Variants in TLN1 observed in about 807,000 individuals in gnomAD.
The protein encoded by TLN1 is talin 1, also known as talin-1.
A neutral mutation model predicts 292.3 loss-of-function variants in TLN1; 56 were observed. The ratio of observed to expected loss-of-function variants is 0.19; its 90% CI spans 0.15 to 0.24. The LOEUF (loss-of-function observed/expected upper bound fraction) is 0.24. TLN1 is among the 10% of genes least tolerant of loss of function. The pLI, the probability that TLN1 is intolerant of heterozygous loss-of-function variation, is 1.00. For missense variants in TLN1, 2,433 were observed against 3,248.2 expected (o/e 0.75, Z 6.10); for synonymous variants, 1,119 against 1,253.7 (o/e 0.89, Z 2.27).
In TLN1 at chr9:35,707,696, G is replaced by C; in HGVS notation, c.4632+35C>G. 6.2e-7 allele frequency: 1 copy of C among 1,613,862 alleles called. No homozygotes were observed. The highest frequency in any genetic ancestry group is 8.5e-7 in the Non-Finnish European group (1 of 1,179,836). ...GGACTCGGGGGAGAAGATAGGACAG[G>C]TCAGGGAGAGGCTGGGAATTCAAGC... On this transcript the variant is annotated intron_variant, in intron 35 of 56. Transcript: ENST00000314888. The surrounding 1 kb of genome is among the most constrained non-coding windows in gnomAD (Gnocchi z 5.6).
In TLN1 at chr9:35,706,059, T is replaced by A; in HGVS notation, c.5414A>T (p.Glu1805Val). 6.2e-7 allele frequency: 1 copy of A among 1,614,190 alleles called. No homozygotes were observed. The change falls in exon 41 of 57, where the codon GAG becomes GTG. Residue 1805 changes from glutamate (E) to valine (V), a missense_variant. By Grantham distance (121) the Glu-to-Val change is moderately radical. Transcript: ENST00000314888. This position sits in a 1 kb window ranked among gnomAD's most constrained non-coding sequence, Gnocchi z 4.2. ...ALEEAVQMMTEAVEDLTTTLN... is the reference protein window; with the variant it reads ...ALEEAVQMMTVAVEDLTTTLN... ...GGTTGTTGTCAGGTCCTCTACGGCC[T>A]CGGTCATCATCTGCACAGCCTCCTC... is the stretch of plus-strand genomic sequence containing the variant.
intron 1 of TLN1, among the ~76,000 whole-genome samples, chr9:35,726,529 C>T (rs1403303092): frequency 6.6e-6 from 1 of 152,204 alleles, no homozygotes; most frequent in Non-Finnish European, 1.5e-5. Flanking sequence ...GCTTTAGCTG[C>T]CTTCTCTGCA....
intron 8 of TLN1, among the ~76,000 whole-genome samples, 190 bp downstream of exon 8, chr9:35,722,671 A>G (rs1041492423): frequency 3.9e-5 from 6 of 152,246 alleles, no homozygotes; most frequent in African/African-American, 1.4e-4. Flanking sequence ...TGCACAGCAA[A>G]AGCAGGGATG....
Position 35,713,162 on chromosome 9 carries a change from A to G in TLN1, c.3352+34T>C, listed in dbSNP as rs763473838. Reference sequence around the variant, plus strand: ...GCTCCCATTTTCCTACCTCCCTCACAATATGCCCCATGCCTGGCTCTCTGC... The same window carrying G: ...GCTCCCATTTTCCTACCTCCCTCACGATATGCCCCATGCCTGGCTCTCTGC... On this transcript the variant is annotated intron_variant, in intron 26 of 56. Coordinates refer to ENST00000314888, the MANE Select transcript of TLN1 (RefSeq NM_006289.4). 19 of 1,583,620 alleles carry G rather than the reference A, an allele frequency of 1.2e-5. No homozygotes were observed. The South Asian group carries it at 2.0e-4, about 17-fold the overall frequency.
chr9:35,702,110 G>A (rs988959700), intron 48 of TLN1, among the ~76,000 whole-genome samples: 1 of 152,198 alleles, frequency 6.6e-6, no homozygotes, highest in Non-Finnish European at 1.5e-5. Context: ...AGGGAACCAG[G>A]GAGGAGGAAT....
Position 35,719,830 on chromosome 9 carries a change from A to G in TLN1, c.1488T>C (p.Thr496=), listed in dbSNP as rs2053380701. 2 of 1,592,650 alleles carry G rather than the reference A, an allele frequency of 1.3e-6. No individual in the cohort carries two copies. Among genetic ancestry groups the G allele is most frequent in the Non-Finnish European group, 1.7e-6 (2 of 1,169,250 alleles). The change falls in exon 14 of 57, where the codon ACT becomes ACC. Residue 496 remains threonine (T), a synonymous_variant. Coordinates refer to ENST00000314888, the MANE Select transcript of TLN1 (RefSeq NM_006289.4). This position sits in a 1 kb window ranked among gnomAD's most constrained non-coding sequence, Gnocchi z 4.6. ...CCTGCATGCTGGAGTTAATGGTTCC[A>G]GTGAGTGCCTGCTGGGCTGAAGTCT... ...PPLTSAQQAL[T]GTINSSMQAV...
Position 35,700,230 on chromosome 9 carries a change from C to T in TLN1, c.6621G>A (p.Leu2207=), listed in dbSNP as rs188918349. ...GCATATCTGCAATAGCACGGCGGCTCAGATTGGCTGTGGCAATGACATCTT... is the reference window on the plus strand; with the variant it reads ...GCATATCTGCAATAGCACGGCGGCTTAGATTGGCTGTGGCAATGACATCTT... ...RQEDVIATAN[L]SRRAIADMLR... Residue 2207 remains leucine, a synonymous_variant, in exon 49 of 57, where the codon CTG becomes CTA. Transcript: ENST00000314888. The T allele has an allele frequency of 1.1e-5, 17 of 1,611,394 alleles. No individual in the cohort carries two copies. The South Asian group carries it at 1.5e-4, about 15-fold the overall frequency.
Position 35,720,507 on chromosome 9 carries a change from T to C in TLN1, c.1209A>G (p.Lys403=), listed in dbSNP as rs753218578. ...CCAGCCCAAAGTGATCCTTGCTTTTTTTCTGTAGGAAGGAAAAAGGAACAA... is the reference window on the plus strand; with the variant it reads ...CCAGCCCAAAGTGATCCTTGCTTTTCTTCTGTAGGAAGGAAAAAGGAACAA... ...AGYIDIILKK[K]KSKDHFGLEG... The change falls in exon 12 of 57, where the codon AAA becomes AAG. Residue 403 remains lysine, a splice_region_variant and synonymous_variant. Transcript: ENST00000314888. 6.2e-7 allele frequency: 1 copy of C among 1,614,068 alleles called. No individual in the cohort carries two copies. Among genetic ancestry groups the C allele is most frequent in the East Asian group, 2.2e-5 (1 of 44,884 alleles).
chr9:35,716,860 AG>A, intron 19 of TLN1, among the ~76,000 whole-genome samples: 1 of 152,204 alleles, frequency 6.6e-6, no homozygotes, highest in East Asian at 1.9e-4. Context: ...GGGGTATAGT[AG>A]GGAAGGCTAT....
chr9:35,725,331 A>G lies in TLN1; in HGVS notation c.131-10T>C. ...AGCCCAAAGTCGCTGGCTAAAAGAG[A>G]GGATGGATCACTTTAGGCTTATGAA... On this transcript the variant is annotated splice_polypyrimidine_tract_variant and intron_variant, in intron 2 of 56. Transcript: ENST00000314888. 6.2e-7 allele frequency: 1 copy of G among 1,613,766 alleles called. No homozygotes were observed. The highest frequency in any genetic ancestry group is 8.5e-7 in the Non-Finnish European group (1 of 1,179,722).
In TLN1 at chr9:35,698,062, C is replaced by G. The variant is rs748999092; in HGVS notation, c.7482G>C (p.Met2494Ile). ...ENETVVVKEK[M>I]VGGIAQIIAA... ...AGCTCACCTGGGCAATGCCGCCAAC[C>G]ATCTTCTCTTTCACCACCACTGTCT... Residue 2494 changes from methionine to isoleucine, a missense_variant, in exon 56 of 57, where the codon ATG (methionine) becomes ATC (isoleucine). Coordinates refer to ENST00000314888, the MANE Select transcript of TLN1 (RefSeq NM_006289.4). The surrounding 1 kb of genome is among the most constrained non-coding windows in gnomAD (Gnocchi z 5.3). 1 of 1,614,176 alleles carries G rather than the reference C, an allele frequency of 6.2e-7. No individual in the cohort carries two copies. The highest frequency in any genetic ancestry group is 1.1e-5 in the South Asian group (1 of 91,084).
Position 35,714,546 on chromosome 9 carries a change from T to C in TLN1, c.2985+28A>G, listed in dbSNP as rs778407467. The C allele has an allele frequency of 3.7e-6, 6 of 1,602,986 alleles. No homozygotes were observed. Among genetic ancestry groups the C allele is most frequent in the Non-Finnish European group, 4.2e-6 (5 of 1,178,932 alleles). ...AGCTTAGAAAGGTGGGAAGGTCAGGTCAGAGAAGTGCAGAGGGGGTGCCTT... is the reference window on the plus strand; with the variant it reads ...AGCTTAGAAAGGTGGGAAGGTCAGGCCAGAGAAGTGCAGAGGGGGTGCCTT... On this transcript the variant is annotated intron_variant, in intron 23 of 56. Transcript: ENST00000314888. The surrounding 1 kb of genome is among the most constrained non-coding windows in gnomAD (Gnocchi z 4.6).
At chr9:35,722,086 CAAG>C (rs1563946446) in intron 9 of TLN1, 30 bp downstream of exon 9, 1 of 1,581,730 alleles carries the variant, frequency 6.3e-7, no homozygotes, top group South Asian at 1.1e-5. Context: ...GAGTGGGAAA[CAAG>C]GAGGGCAGTG....
chr9:35,711,990 C>G lies in TLN1; in HGVS notation c.3681+15G>C. On this transcript the variant is annotated intron_variant, in intron 28 of 56. Coordinates refer to ENST00000314888, the MANE Select transcript of TLN1 (RefSeq NM_006289.4). Reference sequence around the variant, plus strand: ...TTTGACTCCTACGTTCCCCCACCCCCTACCGTCCTCCTACCGAGTCACTCA... The same window carrying G: ...TTTGACTCCTACGTTCCCCCACCCCGTACCGTCCTCCTACCGAGTCACTCA... The G allele has an allele frequency of 6.2e-7, 1 of 1,612,980 alleles. No individual in the cohort carries two copies. The highest frequency in any genetic ancestry group is 8.5e-7 in the Non-Finnish European group (1 of 1,179,682).
chr9:35,725,090 T>C (rs1825946452), intron 3 of TLN1, 131 bp from the exon 4 acceptor site: 1 of 1,542,592 alleles, frequency 6.5e-7, no homozygotes, highest in East Asian at 2.3e-5. Flanking sequence ...AGCAGGGAAT[T>C]ATGACTGTCT....
chr9:35,720,335 G>A, intron 12 of TLN1, 98 bp downstream of exon 12: 1 of 1,544,554 alleles, frequency 6.5e-7, no homozygotes. Flanking sequence ...ACTAGTTAAA[G>A]AACCATTCTA....
Position 35,717,077 on chromosome 9 carries a change from G to A in TLN1, c.2458+69C>T. 1 of 1,523,386 alleles carries A rather than the reference G, an allele frequency of 6.6e-7. No homozygotes were observed. The highest frequency in any genetic ancestry group is 8.8e-7 in the Non-Finnish European group (1 of 1,130,742). 94.4% of individuals were successfully genotyped at this position (1,523,386 alleles called of 1,614,324 possible). ...GGGGTGAAGTGGTTAGGTCCGCAAGGGGATGATGTCCAGTGGGCTTAGGGA... is the reference window on the plus strand; with the variant it reads ...GGGGTGAAGTGGTTAGGTCCGCAAGAGGATGATGTCCAGTGGGCTTAGGGA... On this transcript the variant is annotated intron_variant, in intron 19 of 56. Coordinates refer to ENST00000314888, the MANE Select transcript of TLN1 (RefSeq NM_006289.4). The surrounding 1 kb of genome is among the most constrained non-coding windows in gnomAD (Gnocchi z 4.7).
chr9:35,710,797 C>CT lies in TLN1; in HGVS notation c.4202dup (p.Val1402GlyfsTer50). 6.2e-7 allele frequency: 1 copy of CT among 1,614,206 alleles called. No individual in the cohort carries two copies. The highest frequency in any genetic ancestry group is 8.5e-7 in the Non-Finnish European group (1 of 1,180,032). On this transcript the variant is annotated frameshift_variant and splice_region_variant, in exon 32 of 57. Coordinates refer to ENST00000314888, the MANE Select transcript of TLN1 (RefSeq NM_006289.4). LOFTEE classifies it high-confidence loss of function. ...CCTCCGAGTTCCTGGCTGTGCTGAC[C>CT]TTTGAGTTCTCCATTACACTGTCCA...
In TLN1 at chr9:35,717,445, A is replaced by G; in HGVS notation, c.2164-5T>C. 6.2e-7 allele frequency: 1 copy of G among 1,609,946 alleles called. No individual in the cohort carries two copies. Among genetic ancestry groups the G allele is most frequent in the Non-Finnish European group, 8.5e-7 (1 of 1,176,610 alleles). ...GCTGATTGTAGGTGCCACCACCTGT[A>G]GGTAAAGTGAATGTCAGAGACGTAG... On this transcript the variant is annotated splice_region_variant and splice_polypyrimidine_tract_variant and intron_variant, in intron 18 of 56. Coordinates refer to ENST00000314888, the MANE Select transcript of TLN1 (RefSeq NM_006289.4). The surrounding 1 kb of genome is among the most constrained non-coding windows in gnomAD (Gnocchi z 4.7).
Sources: gnomAD v4.1 joint callset for allele counts (sites outside exome capture counted in the v4.1 genomes callset) on GRCh38, gnomAD v4.1.1 for gene constraint, Gnocchi (gnomAD v3.1) non-coding constraint, MANE v1.5 for transcripts, NCBI Gene and HGNC (gene_info 2026-07-23, HGNC 2026-07-21) for gene names.